COBL: variants seen among roughly 807,000 people sequenced by gnomAD.
COBL encodes the protein cordon-bleu WH2 repeat protein.
Under a neutral mutation model 98.8 loss-of-function variants are expected in COBL, and 51 were observed. The observed-to-expected ratio is 0.52, with a 90% CI of 0.41 to 0.65. The LOEUF is 0.65. Ranked by LOEUF, COBL falls within the 30% of genes least tolerant of loss-of-function variation. The pLI, the probability that COBL is intolerant of heterozygous loss-of-function variation, is 0.00. For synonymous variants in COBL, 634 were observed against 651.7 expected, an observed-to-expected ratio of 0.97 and a Z score of 0.41; for missense variants, 1,617 against 1,617.5, an observed-to-expected ratio of 1.00 and a Z score of 0.01.
At chr7:51,129,002 T>C (rs941344649) in intron 6 of COBL, among the ~76,000 whole-genome samples, 3 of 152,244 alleles carry the variant, frequency 2.0e-5, no homozygotes, top group Admixed American at 6.5e-5. Flanking sequence ...TTTTTCTTAG[T>C]GAGGAGTAAA....
chr7:51,207,013 T>C (rs1436383126), intron 2 of COBL, among the ~76,000 whole-genome samples: 2 of 152,208 alleles, frequency 1.3e-5, no homozygotes, highest in Admixed American at 1.3e-4. Flanking sequence ...CAACCTTCAG[T>C]GTTCTCACTA....
chr7:51,121,569 T>C (rs544205338), intron 6 of COBL, among the ~76,000 whole-genome samples: 1 of 152,330 alleles, frequency 6.6e-6, no homozygotes, highest in Non-Finnish European at 1.5e-5. Flanking sequence ...TCTTTGAAGC[T>C]GAAGGTTAGT....
At chr7:51,043,733 C>G in intron 7 of COBL, 41 bp from the exon 8 acceptor site, 1 of 1,561,596 alleles carries the variant, frequency 6.4e-7, no homozygotes, top group Non-Finnish European at 8.7e-7. Flanking sequence ...CCAAACCACT[C>G]TGGCGTCCAT....
chr7:51,243,312 T>C (rs1053477607), intron 1 of COBL, among the ~76,000 whole-genome samples: 3 of 152,152 alleles, frequency 2.0e-5, no homozygotes, highest in African/African-American at 7.2e-5. Flanking sequence ...CTGTCCCCCT[T>C]ATGTGCGAGT....
chr7:51,077,505 G>A (rs12719026), intron 7 of COBL, among the ~76,000 whole-genome samples: 5 of 152,012 alleles, frequency 3.3e-5, no homozygotes, highest in East Asian at 1.9e-4. Context: ...CAGGGAGCAC[G>A]AGTTTGTTCT....
At chr7:51,213,265 A>G (rs528624499) in intron 2 of COBL, among the ~76,000 whole-genome samples, 3 of 152,294 alleles carry the variant, frequency 2.0e-5, no homozygotes, top group Admixed American at 6.5e-5. Context: ...GTGTGTTAGA[A>G]GCCAGGTCGC....
intron 5 of COBL, among the ~76,000 whole-genome samples, chr7:51,159,610 G>GTTTCA (rs1786576699): frequency 6.6e-6 from 1 of 152,302 alleles, no homozygotes; most frequent in East Asian, 1.9e-4. Context: ...GGAACATACG[G>GTTTCA]AAAACCAGTA....
chr7:51,219,613 A>G lies in COBL; in HGVS notation c.245+128T>C, dbSNP rs1465545296. 3.4e-5 allele frequency: 33 copies of G among 974,888 alleles called. No individual in the cohort carries two copies. The East Asian group carries it at 5.6e-4, about 17-fold the overall frequency. 60.4% of individuals were successfully genotyped at this position (974,888 alleles called of 1,614,324 possible). A position where few individuals can be genotyped will look rare whatever the true frequency, so the allele number is the denominator to read the frequency against. On this transcript the variant is annotated intron_variant, in intron 2 of 12. Coordinates refer to ENST00000265136, the MANE Select transcript of COBL (RefSeq NM_015198.5). Reference sequence around the variant, plus strand: ...TAAGTAGTCACTAAGCCCGATTTATATCCATGAGGTTCCTGAGGTCAGACC... The same window carrying G: ...TAAGTAGTCACTAAGCCCGATTTATGTCCATGAGGTTCCTGAGGTCAGACC...
At chr7:51,066,882 A>T (rs1186874125) in intron 7 of COBL, among the ~76,000 whole-genome samples, 1 of 152,256 alleles carries the variant, frequency 6.6e-6, no homozygotes, top group Non-Finnish European at 1.5e-5. Flanking sequence ...ATGAGGTTTG[A>T]GTTTACTAAC....
In COBL at chr7:51,306,148, A is replaced by C. The variant is rs189123469; in HGVS notation, c.41+10445T>G. 8.3e-4 allele frequency among the ~76,000 whole-genome samples: 127 copies of C among 152,254 alleles called. 2 individuals carry two copies. The highest frequency in any genetic ancestry group is 1.2e-3 in the Admixed American group (19 of 15,294). The stretch of plus-strand genomic sequence containing the variant: ...CAGATGAGTGGGGCCCCAGGAACAC[A>C]GTGACACTAGGCACCATGAACCTAG... On this transcript the variant is annotated intron_variant, in intron 1 of 12. Transcript: ENST00000265136.
rs1200001149 is a variant in COBL, at chr7:51,119,355, G to C, written c.957+16803C>G. Among the ~76,000 whole-genome samples the C allele has an allele frequency of 4.6e-5, 7 of 152,162 alleles. No individual in the cohort carries two copies. In the South Asian group the frequency reaches 1.5e-3, roughly 32 times the overall value. ...GGAAACATTGGTTTTGTAAGTAACA[G>C]CTATAAAACCATCATCCTCTAAGAA... On this transcript the variant is annotated intron_variant, in intron 6 of 12. Coordinates refer to ENST00000265136, the MANE Select transcript of COBL (RefSeq NM_015198.5).
intron 5 of COBL, among the ~76,000 whole-genome samples, chr7:51,144,655 T>A (rs934019360): frequency 9.2e-5 from 14 of 152,310 alleles, no homozygotes; most frequent in African/African-American, 3.4e-4. Flanking sequence ...AATGTTTTCA[T>A]CATCCCAAAA....
chr7:51,070,392 A>AACACACACACACACACACACACACAC (rs369051694), intron 7 of COBL, among the ~76,000 whole-genome samples: 8,116 of 138,538 alleles, frequency 0.059, 366 homozygotes, highest in Non-Finnish European at 0.084. Flanking sequence ...AAACAGTTAA[A>AACACACACACACACACACACACACAC]ACACACACAC....
chr7:51,256,611 T>C (rs1473583702), intron 1 of COBL, among the ~76,000 whole-genome samples: 1 of 152,222 alleles, frequency 6.6e-6, no homozygotes, highest in Non-Finnish European at 1.5e-5. Context: ...ATCGCCCTAG[T>C]AGGGCCTCCA....
Position 51,264,083 on chromosome 7 carries a change from C to T in COBL, c.42-44139G>A, listed in dbSNP as rs140356389. On this transcript the variant is annotated intron_variant, in intron 1 of 12. Transcript: ENST00000265136. ...AAACTAGTGAGGAAGAGAGCCAGGA[C>T]GCCGGCCCAGGTCTATCTGAGCTTG... Among the ~76,000 whole-genome samples the T allele has an allele frequency of 5.0e-3, 759 of 152,260 alleles. 8 individuals carry two copies. The highest frequency in any genetic ancestry group is 0.038 in the South Asian group (183 of 4,824).
intron 1 of COBL, among the ~76,000 whole-genome samples, chr7:51,232,604 G>A (rs900194219): frequency 1.3e-5 from 2 of 152,206 alleles, no homozygotes; most frequent in Non-Finnish European, 2.9e-5. Context: ...GAGGTCAGGA[G>A]ATCGAGACCA....
intron 1 of COBL, among the ~76,000 whole-genome samples, chr7:51,253,088 G>A (rs1033184142): frequency 6.6e-6 from 1 of 152,060 alleles, no homozygotes; most frequent in Admixed American, 6.6e-5. Context: ...CCCAGTCATG[G>A]TGGCGGGCAC....
At chr7:51,101,539 A>G (rs1217187023) in intron 6 of COBL, among the ~76,000 whole-genome samples, 1 of 152,210 alleles carries the variant, frequency 6.6e-6, no homozygotes, top group Non-Finnish European at 1.5e-5. Flanking sequence ...ATCCTCTTTA[A>G]CCACTGTCCT....
intron 1 of COBL, among the ~76,000 whole-genome samples, chr7:51,295,510 A>C (rs753760519): frequency 4.6e-5 from 7 of 152,244 alleles, no homozygotes; most frequent in Admixed American, 1.3e-4. Flanking sequence ...GATATGTAGT[A>C]CAGAGTCACT....
Sources: allele counts gnomAD v4.1 joint callset (sites outside exome capture counted in the v4.1 genomes callset), GRCh38; gene constraint gnomAD v4.1.1; transcripts MANE v1.5; gene names NCBI Gene and HGNC (gene_info 2026-07-23, HGNC 2026-07-21).